The following SNX9 variants were observed in gnomAD, a reference collection of about 807,000 sequenced individuals.
The protein encoded by SNX9 is sorting nexin 9.
SNX9 carries 44 observed loss-of-function variants against 89.4 expected under a neutral mutation model. The observed-to-expected ratio is 0.49, with a 90% CI of 0.39 to 0.63. The LOEUF (loss-of-function observed/expected upper bound fraction) is 0.63, where lower values mean the gene tolerates loss of function less well. Among genes scored for constraint, SNX9 ranks in the 30% least tolerant of loss-of-function variants. SNX9 has a pLI of 0.00. For synonymous variants in SNX9, 236 were observed against 247.8 expected (o/e 0.95, Z 0.45); for missense variants, 578 against 736.1 (o/e 0.79, Z 2.49).
rs149977425 is a variant in SNX9 at position 157,877,617 on chromosome 6, G to A, written c.300+2441G>A. Among the ~76,000 whole-genome samples, 346 of 152,248 alleles carry A rather than the reference G, an allele frequency of 2.3e-3. 2 individuals are homozygous for A. Among genetic ancestry groups the A allele is most frequent in the African/African-American group, 7.8e-3 (324 of 41,548 alleles). On this transcript the variant is annotated intron_variant, in intron 4 of 17. Coordinates refer to ENST00000392185, the MANE Select transcript of SNX9 (RefSeq NM_016224.5). The stretch of plus-strand genomic sequence containing the variant: ...GCTTTCATTTTCTGAATGCGGGTAG[G>A]AAGATGTGTGCTCTGAGGTGAGCTG...
intron 1 of SNX9, among the ~76,000 whole-genome samples, chr6:157,830,032 A>G (rs750222720): frequency 2.6e-5 from 4 of 152,220 alleles, no homozygotes; most frequent in African/African-American, 9.6e-5. Flanking sequence ...ACAAAAAGAC[A>G]TAAGGTTATT....
chr6:157,823,392 C>T lies in SNX9; in HGVS notation c.-43C>T. 2 of 1,270,782 alleles carry T rather than the reference C, an allele frequency of 1.6e-6. No homozygotes were observed. The highest frequency in any genetic ancestry group is 2.0e-6 in the Non-Finnish European group (2 of 1,000,982). 78.7% of individuals were successfully genotyped at this position (1,270,782 alleles called of 1,614,324 possible). Reference sequence around the variant, plus strand: ...CGGCTCAGAATCACCATCCGCGGCGCGGGAGACGAGCCGGCCGTCCCGGGC... The same window carrying T: ...CGGCTCAGAATCACCATCCGCGGCGTGGGAGACGAGCCGGCCGTCCCGGGC... On this transcript the variant is annotated 5_prime_UTR_variant, in exon 1 of 18. Transcript: ENST00000392185. The surrounding 1 kb of genome is among the most constrained non-coding windows in gnomAD (Gnocchi z 4.6).
intron 1 of SNX9, among the ~76,000 whole-genome samples, chr6:157,835,577 A>T (rs141567144): frequency 8.2e-4 from 125 of 151,788 alleles, no homozygotes; most frequent in African/African-American, 2.9e-3. Context: ...TCCCCACCCA[A>T]ATCTCATCTT....
intron 5 of SNX9, 42 bp from the exon 6 acceptor site, chr6:157,901,854 CTT>C (rs11367433): frequency 0.027 from 37,539 of 1,402,760 alleles, no homozygotes; most frequent in South Asian, 0.041. Context: ...TTATTTTGGT[CTT>C]TTTTTTTTTT....
chr6:157,932,313 T>C lies in SNX9; in HGVS notation c.1366+41T>C, dbSNP rs371013030. Reference sequence around the variant, plus strand: ...TTCATCCAGTGGGCCTTTAGAGCCTTATGTAGACCTGTCACCTGCTTAGGA... The same window carrying C: ...TTCATCCAGTGGGCCTTTAGAGCCTCATGTAGACCTGTCACCTGCTTAGGA... On this transcript the variant is annotated intron_variant, in intron 13 of 17. Coordinates refer to ENST00000392185, the MANE Select transcript of SNX9 (RefSeq NM_016224.5). 1.9e-6 allele frequency: 3 copies of C among 1,556,526 alleles called. No homozygotes were observed. In the African/African-American group the frequency reaches 4.1e-5, roughly 21 times the overall value.
At chr6:157,924,887 C>G (rs1369124063) in intron 10 of SNX9, among the ~76,000 whole-genome samples, 1 of 152,134 alleles carries the variant, frequency 6.6e-6, no homozygotes, top group East Asian at 1.9e-4. Context: ...TGTATATGGT[C>G]TTCTTGAAAA....
intron 1 of SNX9, among the ~76,000 whole-genome samples, chr6:157,826,944 A>T (rs866810222): frequency 1.5e-4 from 9 of 58,246 alleles, no homozygotes; most frequent in East Asian, 7.4e-4. Context: ...TAATATATAA[A>T]ATATATTATA....
intron 10 of SNX9, among the ~76,000 whole-genome samples, chr6:157,926,587 G>A (rs1462462285): frequency 6.6e-6 from 1 of 151,784 alleles, no homozygotes; most frequent in Non-Finnish European, 1.5e-5. Flanking sequence ...TTCAAGACCA[G>A]CCTGGCTAAC....
At chr6:157,828,921 G>A (rs1306369538) in intron 1 of SNX9, among the ~76,000 whole-genome samples, 1 of 152,094 alleles carries the variant, frequency 6.6e-6, no homozygotes, top group South Asian at 2.1e-4. Flanking sequence ...TTTGAATGCT[G>A]TCAGCCTCAA....
At position 157,919,871 on chromosome 6, in the gene SNX9, T is replaced by G. The variant is rs73028512; in HGVS notation, c.950-1660T>G. Among the ~76,000 whole-genome samples the G allele has an allele frequency of 4.2e-3, 638 of 151,624 alleles. 1 individual carries two copies. Among genetic ancestry groups the G allele is most frequent in the Non-Finnish European group, 6.7e-3 (452 of 67,842 alleles). On this transcript the variant is annotated intron_variant, in intron 9 of 17. Coordinates refer to ENST00000392185, the MANE Select transcript of SNX9 (RefSeq NM_016224.5). ...ATTCTGAGTTTACCTCTCTGAAGGT[T>G]GTTGTTTCTGCTTTTTATTTGTTAA...
At chr6:157,916,606 A>G (rs187184691) in intron 9 of SNX9, among the ~76,000 whole-genome samples, 142 of 152,194 alleles carry the variant, frequency 9.3e-4, no homozygotes, top group African/African-American at 2.9e-3. Context: ...TTTCTCTTCT[A>G]TTTCTAGGTT....
At chr6:157,881,904 G>A (rs1011000749) in intron 4 of SNX9, among the ~76,000 whole-genome samples, 4 of 152,234 alleles carry the variant, frequency 2.6e-5, no homozygotes, top group African/African-American at 9.6e-5. Flanking sequence ...AGGTGCTGCT[G>A]TGGAAGCTGC....
At chr6:157,871,773 CTTT>C (rs750179923) in intron 2 of SNX9, among the ~76,000 whole-genome samples, 3,655 of 122,142 alleles carry the variant, frequency 0.03, 92 homozygotes, top group African/African-American at 0.089. Flanking sequence ...TCAGTCTTAC[CTTT>C]TTTTTTTTTT....
intron 1 of SNX9, among the ~76,000 whole-genome samples, chr6:157,839,819 A>G (rs1360359182): frequency 6.6e-6 from 1 of 151,944 alleles, no homozygotes; most frequent in African/African-American, 2.4e-5. Flanking sequence ...AACTCTCTCC[A>G]CCACTTCCTT....
chr6:157,833,076 A>G (rs114548261), intron 1 of SNX9, among the ~76,000 whole-genome samples: 216 of 152,298 alleles, frequency 1.4e-3, no homozygotes, highest in African/African-American at 5.0e-3. Context: ...GTTGACATTC[A>G]GATATTAATG....
At chr6:157,863,051 G>A (rs1277427227) in intron 1 of SNX9, among the ~76,000 whole-genome samples, 1 of 152,192 alleles carries the variant, frequency 6.6e-6, no homozygotes, top group Non-Finnish European at 1.5e-5. Context: ...TCGTTTTTCA[G>A]ACAGACTTTC....
At chr6:157,885,613 G>A (rs889550972) in intron 4 of SNX9, among the ~76,000 whole-genome samples, 27 of 152,182 alleles carry the variant, frequency 1.8e-4, no homozygotes, top group South Asian at 6.2e-4. Flanking sequence ...TGGTATAGTC[G>A]TAAGATGGGC....
chr6:157,880,764 C>A (rs150603121), intron 4 of SNX9, among the ~76,000 whole-genome samples: 1 of 152,166 alleles, frequency 6.6e-6, no homozygotes, highest in African/African-American at 2.4e-5. Flanking sequence ...AAGAGGCAAC[C>A]TAGCTTGGTG....
chr6:157,935,437 A>C (rs1243728269), intron 13 of SNX9, among the ~76,000 whole-genome samples: 1 of 152,156 alleles, frequency 6.6e-6, no homozygotes, highest in Non-Finnish European at 1.5e-5. Flanking sequence ...GGAGTGTGTG[A>C]CATATCACCA....
Sources: gnomAD v4.1 joint callset for allele counts (sites outside exome capture counted in the v4.1 genomes callset) on GRCh38, gnomAD v4.1.1 for gene constraint, Gnocchi (gnomAD v3.1) non-coding constraint, MANE v1.5 for transcripts, NCBI Gene and HGNC (gene_info 2026-07-23, HGNC 2026-07-21) for gene names.